The following MBD5 variants were observed in gnomAD, a reference collection of about 807,000 sequenced individuals.
The protein encoded by MBD5 is methyl-CpG-binding domain protein 5.
A neutral mutation model predicts 117.3 loss-of-function variants in MBD5; 13 were observed. That is an observed-to-expected ratio of 0.11 (90% CI 0.07 to 0.18). The LOEUF (loss-of-function observed/expected upper bound fraction) is 0.18, where lower values mean the gene tolerates loss of function less well. MBD5 is among the 10% of genes least tolerant of loss of function. MBD5 has a pLI of 1.00. For missense variants in MBD5, 1,879 were observed against 2,093.8 expected, an observed-to-expected ratio of 0.90 and a Z score of 2.00; for synonymous variants, 727 against 766.4, an observed-to-expected ratio of 0.95 and a Z score of 0.85.
chr2:148,104,457 A>G (rs1407967850), intron 1 of MBD5, among the ~76,000 whole-genome samples: 1 of 152,304 alleles, frequency 6.6e-6, no homozygotes, highest in African/African-American at 2.4e-5. Context: ...CCAACCTGCA[A>G]TATTATTTTT....
chr2:148,437,699 A>G (rs1008920823), intron 4 of MBD5, among the ~76,000 whole-genome samples: 1 of 152,040 alleles, frequency 6.6e-6, no homozygotes, highest in Non-Finnish European at 1.5e-5. Flanking sequence ...GGCATACTAA[A>G]GACAGTCACA....
At chr2:148,043,030 A>C (rs1490538361) in intron 1 of MBD5, among the ~76,000 whole-genome samples, 1 of 152,050 alleles carries the variant, frequency 6.6e-6, no homozygotes, top group Non-Finnish European at 1.5e-5. Flanking sequence ...GGAGTTTGTG[A>C]GTGCTCTGAA....
At chr2:148,383,638 G>A (rs1196159833) in intron 4 of MBD5, among the ~76,000 whole-genome samples, 1 of 115,686 alleles carries the variant, frequency 8.6e-6, no homozygotes, top group East Asian at 2.5e-4. Context: ...CCAAAGCCTG[G>A]CAGAGACAAA....
chr2:148,270,436 T>C (rs2106339233), intron 3 of MBD5, among the ~76,000 whole-genome samples: 1 of 150,768 alleles, frequency 6.6e-6, no homozygotes, highest in South Asian at 2.1e-4. Context: ...TCACCCAGAC[T>C]GGAGTGCAGT....
At chr2:148,290,645 C>G (rs911133544) in intron 3 of MBD5, among the ~76,000 whole-genome samples, 3 of 152,142 alleles carry the variant, frequency 2.0e-5, no homozygotes, top group Admixed American at 6.5e-5. Context: ...TCCTTTTACT[C>G]AGTACAGTAT....
At chr2:148,200,660 T>C (rs546252776) in intron 2 of MBD5, among the ~76,000 whole-genome samples, 297 of 146,474 alleles carry the variant, frequency 2.0e-3, no homozygotes, top group African/African-American at 7.5e-3. Context: ...GCCACTTCGC[T>C]CCAGCCTGGG....
At chr2:148,291,189 T>C (rs1265371502) in intron 3 of MBD5, among the ~76,000 whole-genome samples, 1 of 152,216 alleles carries the variant, frequency 6.6e-6, no homozygotes, top group Non-Finnish European at 1.5e-5. Context: ...TTCTACGTTC[T>C]ATCAATTTCC....
At chr2:148,510,337 CTGAGA>C (rs1485245904) in intron 13 of MBD5, among the ~76,000 whole-genome samples, 2 of 152,168 alleles carry the variant, frequency 1.3e-5, no homozygotes. Context: ...GTCTTTCTTC[CTGAGA>C]TAAGTAATTT....
intron 3 of MBD5, among the ~76,000 whole-genome samples, chr2:148,300,716 C>G (rs1701761177): frequency 6.6e-6 from 1 of 152,176 alleles, no homozygotes; most frequent in Admixed American, 6.5e-5. Flanking sequence ...GTCTCTGTTA[C>G]ACATTGGGCA....
rs143539335 is a variant in MBD5 at position 148,363,293 on chromosome 2, C to T, written c.-557+20957C>T. Among the ~76,000 whole-genome samples, 30 of 152,208 alleles carry T rather than the reference C, an allele frequency of 2.0e-4. No individual in the cohort carries two copies. In the East Asian group the frequency reaches 4.3e-3, roughly 22 times the overall value. ...TGTCACCCAGGCTGGAGTGCAGTGG[C>T]GCAATCTTGGCTCACTGCCAGCTCC... On this transcript the variant is annotated intron_variant, in intron 4 of 13. Transcript: ENST00000642680.
At position 148,111,494 on chromosome 2, in the gene MBD5, AG is replaced by A. The variant is rs67668613; in HGVS notation, c.-924-67204del. ...TGAGAGTGAATTATCCTAAATTGAA[AG>A]GAAAAAAAAGCAAAAACAACAAAAG... is the stretch of plus-strand genomic sequence containing the variant. On this transcript the variant is annotated intron_variant, in intron 1 of 13. Coordinates refer to ENST00000642680, the MANE Select transcript of MBD5 (RefSeq NM_001378120.1). Among the ~76,000 whole-genome samples, 551 of 152,288 alleles carry A rather than the reference AG, an allele frequency of 3.6e-3. 3 individuals are homozygous for A. Among genetic ancestry groups the A allele is most frequent in the Non-Finnish European group, 6.1e-3 (416 of 68,018 alleles).
intron 3 of MBD5, among the ~76,000 whole-genome samples, chr2:148,246,190 T>C (rs1450061842): frequency 1.3e-5 from 2 of 152,158 alleles, no homozygotes; most frequent in African/African-American, 2.4e-5. Context: ...GAATATACTC[T>C]AAAAAACATT....
intron 1 of MBD5, among the ~76,000 whole-genome samples, chr2:148,126,473 A>C (rs561172593): frequency 5.0e-4 from 76 of 152,050 alleles, no homozygotes; most frequent in Non-Finnish European, 1.0e-3. Context: ...TGGATGAGGA[A>C]ATACAATTTT....
intron 4 of MBD5, among the ~76,000 whole-genome samples, chr2:148,434,851 G>T (rs1706106867): frequency 1.3e-5 from 2 of 151,310 alleles, no homozygotes; most frequent in African/African-American, 2.4e-5. Context: ...CTGTCAGTGA[G>T]TTGTTGTGTG....
At chr2:148,256,062 TTG>T (rs912127596) in intron 3 of MBD5, among the ~76,000 whole-genome samples, 10 of 152,258 alleles carry the variant, frequency 6.6e-5, no homozygotes, top group African/African-American at 2.4e-4. Context: ...GCGTATACCC[TTG>T]TGACTTTGGC....
At chr2:148,327,857 C>T (rs10174899) in intron 3 of MBD5, among the ~76,000 whole-genome samples, 1,945 of 152,324 alleles carry the variant, frequency 0.013, 40 homozygotes, top group African/African-American at 0.043. Flanking sequence ...AAGTCATCTC[C>T]GTCCAGCTTT....
chr2:148,076,860 G>A (rs1435483589), intron 1 of MBD5, among the ~76,000 whole-genome samples: 1 of 152,224 alleles, frequency 6.6e-6, no homozygotes, highest in Non-Finnish European at 1.5e-5. Flanking sequence ...AGTTCTCATA[G>A]TCTAGTAGAG....
intron 3 of MBD5, among the ~76,000 whole-genome samples, chr2:148,325,375 T>G (rs1159721872): frequency 6.6e-6 from 1 of 152,218 alleles, no homozygotes; most frequent in Admixed American, 6.5e-5. Context: ...GGATTCCCTC[T>G]TTTTCTATTG....
intron 2 of MBD5, among the ~76,000 whole-genome samples, chr2:148,207,440 A>C (rs1699310551): frequency 8.9e-6 from 1 of 112,662 alleles, no homozygotes; most frequent in South Asian, 3.7e-4. Context: ...GGAAGTAAAA[A>C]AGAAAAAAAA....
Sources: gnomAD v4.1 joint callset for allele counts (sites outside exome capture counted in the v4.1 genomes callset) on GRCh38, gnomAD v4.1.1 for gene constraint, MANE v1.5 for transcripts, NCBI Gene and HGNC (gene_info 2026-07-23, HGNC 2026-07-21) for gene names.